SNX2: variants seen among roughly 807,000 people sequenced by gnomAD.
SNX2 encodes sorting nexin 2.
In SNX2, 25 loss-of-function variants were observed where a neutral mutation model predicts 69.9. The ratio of observed to expected loss-of-function variants is 0.36; its 90% confidence interval spans 0.26 to 0.50. The LOEUF (loss-of-function observed/expected upper bound fraction) is 0.50. Ranked by LOEUF, SNX2 falls within the 20% of genes least tolerant of loss-of-function variation. The probability of loss-of-function intolerance (pLI) is 0.97; values close to 1 mark genes in which losing one functional copy is unlikely to be tolerated. For synonymous variants in SNX2, 229 were observed against 200.4 expected, an observed-to-expected ratio of 1.14 and a Z score of -1.20; for missense variants, 551 against 613.3, an observed-to-expected ratio of 0.90 and a Z score of 1.07.
At chr5:122,803,756 C>G in intron 6 of SNX2, 143 bp downstream of exon 6, 2 of 603,882 alleles carry the variant, frequency 3.3e-6, no homozygotes, top group South Asian at 2.7e-5. Context: ...TTCATTTATA[C>G]TAATCATGCA....
At chr5:122,792,106 T>C (rs1753254932) in intron 1 of SNX2, among the ~76,000 whole-genome samples, 1 of 152,210 alleles carries the variant, frequency 6.6e-6, no homozygotes, top group Non-Finnish European at 1.5e-5. Flanking sequence ...AGGCCCACTT[T>C]TGTGAGAATT....
In SNX2 at chr5:122,827,436, C is replaced by A. The variant is rs777115069; in HGVS notation, c.1414C>A (p.Arg472=). The change falls in exon 13 of 15, where the codon CGA becomes AGA. Residue 472 remains arginine (R), a synonymous_variant. Transcript: ENST00000379516. ...TTTTGAACAGATATCTAAAACGATT[C>A]GAAAAGAAGTGGGAAGATTTGAGGC... ...RDFEQISKTI[R]KEVGRFEKER... is the part of the protein sequence containing the mutation. 3.1e-6 allele frequency: 5 copies of A among 1,613,266 alleles called. No individual in the cohort carries two copies. Among genetic ancestry groups the A allele is most frequent in the Non-Finnish European group, 4.2e-6 (5 of 1,179,522 alleles).
At chr5:122,805,082 A>G (rs1005989336) in intron 6 of SNX2, among the ~76,000 whole-genome samples, 21 of 151,892 alleles carry the variant, frequency 1.4e-4, no homozygotes, top group Non-Finnish European at 2.9e-5. Context: ...ACCTGAGGTC[A>G]GGAGTTCGAG....
At chr5:122,823,670 A>G (rs1754078308) in intron 11 of SNX2, among the ~76,000 whole-genome samples, 1 of 152,148 alleles carries the variant, frequency 6.6e-6, no homozygotes, top group Admixed American at 6.5e-5. Flanking sequence ...CTAAAGCAAG[A>G]CTAGGTCTAA....
At position 122,834,329 on chromosome 5, in the gene SNX2, C is replaced by A. The variant is rs1293465387; in HGVS notation, c.*4681C>A. The stretch of plus-strand genomic sequence containing the variant: ...TCTTGTCACATACTTTTAAAAAATT[C>A]TCTAAAGATTGAATAATTTTAAGTA... On this transcript the variant is annotated 3_prime_UTR_variant, in exon 15 of 15. Coordinates refer to ENST00000379516, the MANE Select transcript of SNX2 (RefSeq NM_003100.4). 6.6e-6 allele frequency: 1 copy of A among 152,096 alleles called. No individual in the cohort carries two copies. The highest frequency in any genetic ancestry group is 1.5e-5 in the Non-Finnish European group (1 of 68,006). 9.4% of individuals were successfully genotyped at this position (152,096 alleles called of 1,614,324 possible). A position where few individuals can be genotyped will look rare whatever the true frequency, so the allele number is the denominator to read the frequency against.
At chr5:122,792,286 A>G (rs926298234) in intron 1 of SNX2, among the ~76,000 whole-genome samples, 1 of 152,204 alleles carries the variant, frequency 6.6e-6, no homozygotes, top group Non-Finnish European at 1.5e-5. Flanking sequence ...TCAAAAGACT[A>G]TTGATCCTAC....
chr5:122,816,552 A>G (rs1753904088), intron 8 of SNX2, among the ~76,000 whole-genome samples: 1 of 152,194 alleles, frequency 6.6e-6, no homozygotes, highest in South Asian at 2.1e-4. Context: ...ATTTTTCTCA[A>G]GACTTTCTTC....
Position 122,829,780 on chromosome 5 carries a change from ACACAC to A in SNX2, c.*133_*137del. On this transcript the variant is annotated 3_prime_UTR_variant, in exon 15 of 15. Transcript: ENST00000379516. ...GAATTACATGTGGTTTTATATACACACACACACACACACACACACACACACACACA... is the reference window on the plus strand; with the variant it reads ...GAATTACATGTGGTTTTATATACACAACACACACACACACACACACACACA... 6.4e-6 allele frequency: 1 copy of A among 156,400 alleles called. No individual in the cohort carries two copies. Among genetic ancestry groups the A allele is most frequent in the Non-Finnish European group, 9.6e-6 (1 of 104,498 alleles). 9.7% of individuals were successfully genotyped at this position (156,400 alleles called of 1,614,324 possible). A position where few individuals can be genotyped will look rare whatever the true frequency, so the allele number is the denominator to read the frequency against.
At chr5:122,794,327 C>CAA (rs34462649) in intron 1 of SNX2, among the ~76,000 whole-genome samples, 3 of 151,454 alleles carry the variant, frequency 2.0e-5, no homozygotes, top group East Asian at 3.9e-4. Context: ...AACAAACAAA[C>CAA]AAAAAAAACA....
At chr5:122,823,999 A>C (rs1474560584) in intron 11 of SNX2, among the ~76,000 whole-genome samples, 1 of 152,066 alleles carries the variant, frequency 6.6e-6, no homozygotes, top group African/African-American at 2.4e-5. Flanking sequence ...CAGGAGATCG[A>C]GACCATCCTG....
intron 12 of SNX2, chr5:122,826,594 A>G: frequency 1.3e-6 from 1 of 785,736 alleles, no homozygotes; most frequent in Non-Finnish European, 1.5e-6. Context: ...AATTTGTATA[A>G]GTTTATTATA....
chr5:122,791,240 C>T (rs756758872), intron 1 of SNX2, among the ~76,000 whole-genome samples: 30 of 151,608 alleles, frequency 2.0e-4, no homozygotes, highest in Non-Finnish European at 3.2e-4. Flanking sequence ...TCTCTTGCCT[C>T]AGCCTCCTGA....
intron 1 of SNX2, among the ~76,000 whole-genome samples, chr5:122,794,854 A>G (rs1460693332): frequency 6.6e-6 from 1 of 151,868 alleles, no homozygotes; most frequent in Non-Finnish European, 1.5e-5. Flanking sequence ...CATCTCTACA[A>G]AAAATAAATA....
intron 7 of SNX2, 41 bp from the exon 8 acceptor site, chr5:122,815,855 A>G (rs1323114042): frequency 3.7e-6 from 4 of 1,074,826 alleles, no homozygotes; most frequent in East Asian, 4.9e-5. Context: ...CTGTAATTCA[A>G]GATGCTACTG....
At chr5:122,780,213 T>C (rs1752941301) in intron 1 of SNX2, among the ~76,000 whole-genome samples, 1 of 152,208 alleles carries the variant, frequency 6.6e-6, no homozygotes, top group Non-Finnish European at 1.5e-5. Context: ...CCGGGATCTT[T>C]GTGGAAATCT....
At chr5:122,825,301 A>G (rs1210429712) in intron 11 of SNX2, among the ~76,000 whole-genome samples, 2 of 151,936 alleles carry the variant, frequency 1.3e-5, no homozygotes, top group Non-Finnish European at 2.9e-5. Context: ...CTCCCATCCT[A>G]TCCATCATTT....
chr5:122,819,179 T>G (rs1429723218), intron 11 of SNX2, among the ~76,000 whole-genome samples, 156 bp downstream of exon 11: 3 of 152,214 alleles, frequency 2.0e-5, no homozygotes, highest in Non-Finnish European at 4.4e-5. Flanking sequence ...CTTTCTTCCC[T>G]ATGACTTGCA....
intron 6 of SNX2, among the ~76,000 whole-genome samples, chr5:122,804,365 CTT>C (rs1284102957): frequency 7.4e-5 from 10 of 135,730 alleles, no homozygotes; most frequent in Non-Finnish European, 9.5e-5. Flanking sequence ...AACATTTCTA[CTT>C]TTTTTTTTTT....
chr5:122,795,157 C>T lies in SNX2; in HGVS notation c.109-109C>T, dbSNP rs1753348675. 5 of 696,508 alleles carry T rather than the reference C, an allele frequency of 7.2e-6. No homozygotes were observed. In the South Asian group the frequency reaches 1.0e-4, roughly 14 times the overall value. 43.1% of individuals were successfully genotyped at this position (696,508 alleles called of 1,614,324 possible). On this transcript the variant is annotated intron_variant, in intron 1 of 14. Transcript: ENST00000379516. The stretch of plus-strand genomic sequence containing the variant: ...GGATATATAAATAGCTGTTCTTGTT[C>T]TTTCCTCCATTCTTTTCAAGAGAAT...
Sources: allele counts gnomAD v4.1 joint callset (sites outside exome capture counted in the v4.1 genomes callset), GRCh38; gene constraint gnomAD v4.1.1; transcripts MANE v1.5; gene names NCBI Gene and HGNC (gene_info 2026-07-23, HGNC 2026-07-21).